Variants in MEIS2 observed in about 807,000 individuals in gnomAD.
The protein encoded by MEIS2 is Meis homeobox 2.
Under a neutral mutation model 58.6 loss-of-function variants are expected in MEIS2, and 9 were observed. The ratio of observed to expected loss-of-function variants is 0.15; its 90% CI spans 0.09 to 0.27. MEIS2 has a LOEUF of 0.27. Among genes scored for constraint, MEIS2 ranks in the 10% least tolerant of loss-of-function variants. The probability of loss-of-function intolerance (pLI) is 1.00; values close to 1 mark genes in which losing one functional copy is unlikely to be tolerated. For synonymous variants in MEIS2, 221 were observed against 228.4 expected (o/e 0.97, Z 0.29); for missense variants, 427 against 635.0 (o/e 0.67, Z 3.52).
At chr15:36,908,604 A>T (rs1281701871) in intron 9 of MEIS2, among the ~76,000 whole-genome samples, 1 of 152,182 alleles carries the variant, frequency 6.6e-6, no homozygotes, top group African/African-American at 2.4e-5. Context: ...AATAGAAATG[A>T]TGGCATTTCT....
chr15:37,099,417 G>A (rs1334899452), intron 1 of MEIS2, 38 bp downstream of exon 1: 1 of 1,614,076 alleles, frequency 6.2e-7, no homozygotes, highest in African/African-American at 1.3e-5. Flanking sequence ...CTTAGGAGAG[G>A]ATTTATATCT....
chr15:36,900,278 G>A (rs2056400737), intron 9 of MEIS2, among the ~76,000 whole-genome samples: 1 of 151,968 alleles, frequency 6.6e-6, no homozygotes, highest in Non-Finnish European at 1.5e-5. Context: ...ATTTTCATTA[G>A]CCTCATTGTG....
At chr15:37,013,454 C>T (rs2061234864) in intron 8 of MEIS2, among the ~76,000 whole-genome samples, 2 of 151,674 alleles carry the variant, frequency 1.3e-5, no homozygotes, top group South Asian at 4.2e-4. Context: ...CGCCTGTAAT[C>T]CCAGCTACTC....
At chr15:36,892,535 GA>G (rs1271676407) in intron 11 of MEIS2, 76 bp from the exon 12 acceptor site, 31,942 of 501,324 alleles carry the variant, frequency 0.064, 2 homozygotes, top group East Asian at 0.083. Flanking sequence ...AAGATGAAAA[GA>G]AAAAAAAAAA....
chr15:36,891,328 A>G lies in MEIS2; in HGVS notation c.*845T>C, dbSNP rs540695518. ...CCGAACTCTGTACGAAGTTTGTTAC[A>G]GTATTCTCTTGCTCCTTTTTATCCC... On this transcript the variant is annotated 3_prime_UTR_variant, in exon 12 of 12. Transcript: ENST00000561208. The G allele has an allele frequency of 6.6e-6, 1 of 152,642 alleles. No individual in the cohort carries two copies. The highest frequency in any genetic ancestry group is 6.5e-5 in the Admixed American group (1 of 15,302). The allele number at this position is 152,642 out of a possible 1,614,324, so 9.5% of individuals were successfully genotyped here.
intron 8 of MEIS2, among the ~76,000 whole-genome samples, chr15:36,964,863 T>C (rs2059305814): frequency 1.3e-5 from 2 of 152,086 alleles, no homozygotes; most frequent in African/African-American, 4.8e-5. Context: ...CTGGCAGAAA[T>C]AGGTTGGAAG....
At position 37,094,567 on chromosome 15, in the gene MEIS2, G is replaced by A; in HGVS notation, c.449C>T (p.Ala150Val). The A allele has an allele frequency of 6.2e-7, 1 of 1,612,290 alleles. No homozygotes were observed. The highest frequency in any genetic ancestry group is 8.5e-7 in the Non-Finnish European group (1 of 1,179,242). Reference protein sequence around the residue: ...NPELDNLMIQAIQVLRFHLLE... With the variant: ...NPELDNLMIQVIQVLRFHLLE... ...AAGATGAAACCTTAGTACTTGTATTGCTTGTATCATCTGAAAGAAAAGTTC... is the reference window on the plus strand; with the variant it reads ...AAGATGAAACCTTAGTACTTGTATTACTTGTATCATCTGAAAGAAAAGTTC... The change falls in exon 5 of 12, where the codon GCA becomes GTA. Residue 150 changes from alanine to valine, a missense_variant. Physicochemically the swap from Ala to Val is moderately conservative, Grantham distance 64. Around this residue, in one of 6 missense-constraint regions of MEIS2, gnomAD observed 138 missense variants for 263.0 expected, o/e 0.52. Coordinates refer to ENST00000561208, the MANE Select transcript of MEIS2 (RefSeq NM_170675.5).
Position 36,910,915 on chromosome 15 carries a change from G to A in MEIS2, c.978-14229C>T, listed in dbSNP as rs188241956. The stretch of plus-strand genomic sequence containing the variant: ...CAAAAAATTAGCCAGGCATGGTGGC[G>A]GCGCCTGTACTCCCGGCTATTCGAG... On this transcript the variant is annotated intron_variant, in intron 9 of 11. Coordinates refer to ENST00000561208, the MANE Select transcript of MEIS2 (RefSeq NM_170675.5). Among the ~76,000 whole-genome samples, 753 of 152,024 alleles carry A rather than the reference G, an allele frequency of 5.0e-3. 7 individuals are homozygous for A. The highest frequency in any genetic ancestry group is 0.011 in the African/African-American group (455 of 41,496).
At chr15:37,000,522 A>G (rs2060683376) in intron 8 of MEIS2, among the ~76,000 whole-genome samples, 1 of 152,194 alleles carries the variant, frequency 6.6e-6, no homozygotes, top group Admixed American at 6.5e-5. Context: ...AGATGATCTT[A>G]CTACTTAAAT....
At chr15:36,893,456 AAC>A (rs1412667629) in intron 11 of MEIS2, among the ~76,000 whole-genome samples, 2 of 152,214 alleles carry the variant, frequency 1.3e-5, no homozygotes, top group Non-Finnish European at 2.9e-5. Flanking sequence ...TAAAGACAAT[AAC>A]ACAGCCTGCA....
intron 8 of MEIS2, among the ~76,000 whole-genome samples, chr15:36,990,402 G>A (rs1333950008): frequency 1.3e-5 from 2 of 152,028 alleles, no homozygotes; most frequent in Non-Finnish European, 2.9e-5. Context: ...AGCTAGTGTG[G>A]AAATTATAAA....
chr15:37,023,604 T>A lies in MEIS2; in HGVS notation c.900+13210A>T, dbSNP rs139692938. 1.8e-4 allele frequency among the ~76,000 whole-genome samples: 28 copies of A among 152,314 alleles called. No homozygotes were observed. In the East Asian group the frequency reaches 5.2e-3, roughly 28 times the overall value. On this transcript the variant is annotated intron_variant, in intron 8 of 11. Transcript: ENST00000561208. The stretch of plus-strand genomic sequence containing the variant: ...ATCTTCCCTCTCCTCCCCTTGTTGA[T>A]CTCACCCTTAGGTTTTTCCTGTTGT...
intron 9 of MEIS2, among the ~76,000 whole-genome samples, chr15:36,903,577 T>C (rs1476448518): frequency 1.3e-5 from 2 of 152,206 alleles, no homozygotes; most frequent in Non-Finnish European, 2.9e-5. Flanking sequence ...CACCTACAAG[T>C]TTATTTAACT....
chr15:37,078,159 G>A lies in MEIS2; in HGVS notation c.754+5612C>T, dbSNP rs941217915. Among the ~76,000 whole-genome samples, 7 of 151,854 alleles carry A rather than the reference G, an allele frequency of 4.6e-5. No homozygotes were observed. The East Asian group carries it at 9.7e-4, about 21-fold the overall frequency. On this transcript the variant is annotated intron_variant, in intron 7 of 11. Coordinates refer to ENST00000561208, the MANE Select transcript of MEIS2 (RefSeq NM_170675.5). Reference sequence around the variant, plus strand: ...AAATAACATGGCTTCTGCATTGAACGGCTGACTCGTACCTGACAATTAGAA... The same window carrying A: ...AAATAACATGGCTTCTGCATTGAACAGCTGACTCGTACCTGACAATTAGAA...
chr15:37,099,033 G>T (rs1288403537), intron 1 of MEIS2: 75 of 983,310 alleles, frequency 7.6e-5, no homozygotes, highest in Non-Finnish European at 8.7e-5. Context: ...CCCCGGCGGC[G>T]GCTCCTACGC....
intron 8 of MEIS2, among the ~76,000 whole-genome samples, chr15:36,989,362 A>C (rs1428866954): frequency 1.3e-5 from 2 of 152,208 alleles, no homozygotes; most frequent in East Asian, 3.8e-4. Flanking sequence ...TAACTCTGTC[A>C]TTTATATGCT....
At chr15:36,908,701 A>AGCC (rs2056858220) in intron 9 of MEIS2, among the ~76,000 whole-genome samples, 1 of 152,192 alleles carries the variant, frequency 6.6e-6, no homozygotes, top group Admixed American at 6.5e-5. Context: ...CACACCTGTA[A>AGCC]TCCCAGCACT....
intron 1 of MEIS2, chr15:37,099,247 C>T: frequency 2.1e-6 from 3 of 1,437,936 alleles, no homozygotes; most frequent in Admixed American, 2.8e-5. Flanking sequence ...CGCCCAGACA[C>T]GCACACACGC....
rs1292529936 is a variant in MEIS2 at position 37,100,117 on chromosome 15, A to G, written c.-651T>C. 1 of 118,354 alleles carries G rather than the reference A, an allele frequency of 8.4e-6. No homozygotes were observed. 7.3% of individuals were successfully genotyped at this position (118,354 alleles called of 1,614,324 possible). Reference sequence around the variant, plus strand: ...TTTTAGCTTTGCCCCCGCGGTATCTATAATACGATCCTCTCTCTTTAAAGT... The same window carrying G: ...TTTTAGCTTTGCCCCCGCGGTATCTGTAATACGATCCTCTCTCTTTAAAGT... On this transcript the variant is annotated 5_prime_UTR_variant, in exon 1 of 12. Coordinates refer to ENST00000561208, the MANE Select transcript of MEIS2 (RefSeq NM_170675.5).
Sources: gnomAD v4.1 joint callset for allele counts (sites outside exome capture counted in the v4.1 genomes callset) on GRCh38, gnomAD v4.1.1 for gene constraint, gnomAD v4.1.1 regional missense constraint, MANE v1.5 for transcripts, NCBI Gene and HGNC (gene_info 2026-07-23, HGNC 2026-07-21) for gene names.